MTREX: variants seen among roughly 807,000 people sequenced by gnomAD.
MTREX encodes the protein exosome RNA helicase MTR4.
A neutral mutation model predicts 135.4 loss-of-function variants in MTREX; 76 were observed. The observed-to-expected ratio is 0.56, with a 90% CI of 0.47 to 0.68. The LOEUF (loss-of-function observed/expected upper bound fraction) is 0.68. MTREX is among the 30% of genes least tolerant of loss of function. MTREX has a pLI of 0.00. For missense variants in MTREX, 920 were observed against 1,262.1 expected (o/e 0.73, Z 4.11); for synonymous variants, 404 against 401.6 (o/e 1.01, Z -0.07).
intron 1 of MTREX, among the ~76,000 whole-genome samples, chr5:55,310,395 G>C (rs1376965443): frequency 1.3e-5 from 2 of 152,158 alleles, no homozygotes; most frequent in Non-Finnish European, 2.9e-5. Flanking sequence ...ATCACCTGAG[G>C]TCAAGAGTTC....
At chr5:55,312,561 AT>A (rs1259139677) in intron 1 of MTREX, among the ~76,000 whole-genome samples, 1 of 152,146 alleles carries the variant, frequency 6.6e-6, no homozygotes, top group Non-Finnish European at 1.5e-5. Flanking sequence ...ATTTTCTAAA[AT>A]TTTATTTAAA....
chr5:55,364,175 A>G (rs1750058584), intron 15 of MTREX, among the ~76,000 whole-genome samples: 1 of 152,212 alleles, frequency 6.6e-6, no homozygotes, highest in Admixed American at 6.5e-5. Context: ...AGGCTTTAGC[A>G]TCGAGAATTA....
chr5:55,343,078 A>G (rs552522470), intron 7 of MTREX, among the ~76,000 whole-genome samples: 6 of 152,306 alleles, frequency 3.9e-5, no homozygotes, highest in African/African-American at 1.4e-4. Flanking sequence ...GTTGTTTGGA[A>G]AGATTAACCC....
At chr5:55,424,491 G>C in intron 26 of MTREX, 1 of 441,642 alleles carries the variant, frequency 2.3e-6, no homozygotes, top group Non-Finnish European at 4.1e-6. Flanking sequence ...TTCCTGGCCA[G>C]CCCCCATGGA....
At chr5:55,363,194 A>G (rs1333131020) in intron 15 of MTREX, among the ~76,000 whole-genome samples, 1 of 152,232 alleles carries the variant, frequency 6.6e-6, no homozygotes, top group African/African-American at 2.4e-5. Flanking sequence ...TACATAAGAT[A>G]ACAATGTACA....
Position 55,351,021 on chromosome 5 carries a change from T to C in MTREX, c.1423T>C (p.Leu475=). Residue 475 remains leucine (L), a synonymous_variant, in exon 13 of 27, where the codon TTG becomes CTG. Transcript: ENST00000230640. ...ETIEILFSEG[L]IKALFATETF... ...TATAGAAATTCTCTTTTCTGAAGGATTGATAAAGGTATGGTTTTATTTTTA... is the reference window on the plus strand; with the variant it reads ...TATAGAAATTCTCTTTTCTGAAGGACTGATAAAGGTATGGTTTTATTTTTA... 1.3e-6 allele frequency: 2 copies of C among 1,599,928 alleles called. No individual in the cohort carries two copies. Among genetic ancestry groups the C allele is most frequent in the Non-Finnish European group, 1.7e-6 (2 of 1,176,668 alleles).
intron 25 of MTREX, among the ~76,000 whole-genome samples, chr5:55,421,026 C>G (rs1751046591): frequency 6.6e-6 from 1 of 152,150 alleles, no homozygotes; most frequent in Non-Finnish European, 1.5e-5. Context: ...AATTGGATTT[C>G]TCTTTCTACT....
intron 23 of MTREX, 107 bp downstream of exon 23, chr5:55,410,736 T>TA (rs1750873796): frequency 3.8e-6 from 2 of 524,936 alleles, no homozygotes; most frequent in East Asian, 3.4e-5. Flanking sequence ...TATTATAAGG[T>TA]AATGTTAATT....
rs763872215 is a variant in MTREX at position 55,374,264 on chromosome 5, T to TTATATATATATA, written c.1811-4039_1811-4028dup. 4.4e-3 allele frequency among the ~76,000 whole-genome samples: 615 copies of TTATATATATATA among 139,648 alleles called. 2 individuals carry two copies. Among genetic ancestry groups the TTATATATATATA allele is most frequent in the East Asian group, 7.1e-3 (33 of 4,668 alleles). 91.6% of individuals were successfully genotyped at this position (139,648 alleles called of 152,430 possible). A position where few individuals can be genotyped will look rare whatever the true frequency, so the allele number is the denominator to read the frequency against. On this transcript the variant is annotated intron_variant, in intron 16 of 26. Transcript: ENST00000230640. ...GGAGCAAGACTGTCTCAAAAAACAT[T>TTATATATATATA]TATATATATATATATATATATAAAC... is the stretch of plus-strand genomic sequence containing the variant.
In MTREX at chr5:55,308,511, A is replaced by G. The variant is rs984605580; in HGVS notation, c.134+364A>G. ...GGTGAAAAGGTTTAGAAAAAATGATATGAATTGATTTGGAGGGGAAAGGGC... is the reference window on the plus strand; with the variant it reads ...GGTGAAAAGGTTTAGAAAAAATGATGTGAATTGATTTGGAGGGGAAAGGGC... On this transcript the variant is annotated intron_variant, in intron 1 of 26. Coordinates refer to ENST00000230640, the MANE Select transcript of MTREX (RefSeq NM_015360.5). Among the ~76,000 whole-genome samples, 6 of 152,210 alleles carry G rather than the reference A, an allele frequency of 3.9e-5. No individual in the cohort carries two copies. The South Asian group carries it at 6.2e-4, about 16-fold the overall frequency.
At chr5:55,373,125 T>A (rs529008383) in intron 16 of MTREX, among the ~76,000 whole-genome samples, 1 of 151,088 alleles carries the variant, frequency 6.6e-6, no homozygotes, top group South Asian at 2.1e-4. Flanking sequence ...TATTTCTTTT[T>A]TTTTTTGGTC....
At chr5:55,318,471 A>G (rs1749234536) in intron 1 of MTREX, among the ~76,000 whole-genome samples, 1 of 152,242 alleles carries the variant, frequency 6.6e-6, no homozygotes. Flanking sequence ...CTTTTGCAGG[A>G]ACATGGATGG....
intron 16 of MTREX, among the ~76,000 whole-genome samples, chr5:55,371,213 G>C (rs372991233): frequency 2.6e-5 from 4 of 152,150 alleles, no homozygotes; most frequent in Admixed American, 6.6e-5. Context: ...CAAGTTCTAA[G>C]AATTAAATGA....
At chr5:55,390,124 G>A (rs952638207) in intron 19 of MTREX, among the ~76,000 whole-genome samples, 2 of 151,074 alleles carry the variant, frequency 1.3e-5, no homozygotes, top group Non-Finnish European at 2.9e-5. Context: ...TTTTTTTTGA[G>A]ATGGAGTCTC....
chr5:55,320,311 G>T (rs887830230), intron 1 of MTREX, among the ~76,000 whole-genome samples: 3 of 149,364 alleles, frequency 2.0e-5, no homozygotes, highest in African/African-American at 5.0e-5. Flanking sequence ...TCCACCTCCC[G>T]GGTTCACACC....
At chr5:55,323,133 C>G (rs1749315567) in intron 2 of MTREX, among the ~76,000 whole-genome samples, 1 of 152,054 alleles carries the variant, frequency 6.6e-6, no homozygotes, top group Non-Finnish European at 1.5e-5. Flanking sequence ...GTAAAATTAT[C>G]TCCTATAAAT....
chr5:55,424,628 C>A, intron 26 of MTREX, 92 bp from the exon 27 acceptor site: 1 of 811,824 alleles, frequency 1.2e-6, no homozygotes, highest in Non-Finnish European at 2.1e-6. Flanking sequence ...CCAGTTGAAT[C>A]AGGGTTGGTA....
rs911510394 is a variant in MTREX, at chr5:55,322,415, A to G, written c.223A>G (p.Ile75Val). ...AGATTTCGAAGGTACAGATGAACCC[A>G]TTTTTGGAAAGAAGCCCAGGATAGA... ...DVDFEGTDEP[I>V]FGKKPRIEES... Residue 75 changes from isoleucine to valine, a missense_variant, in exon 2 of 27, where the codon ATT (isoleucine) becomes GTT (valine). Physicochemically the swap from Ile to Val is conservative, Grantham distance 29. Coordinates refer to ENST00000230640, the MANE Select transcript of MTREX (RefSeq NM_015360.5). 1.2e-6 allele frequency: 2 copies of G among 1,610,070 alleles called. No individual in the cohort carries two copies. The highest frequency in any genetic ancestry group is 1.7e-6 in the Non-Finnish European group (2 of 1,178,228).
At chr5:55,400,174 G>A in intron 20 of MTREX, 59 bp from the exon 21 acceptor site, 1 of 1,275,542 alleles carries the variant, frequency 7.8e-7, no homozygotes, top group Non-Finnish European at 1.1e-6. Context: ...ACACTGATTT[G>A]GTTTGGTCTT....
Sources: allele counts gnomAD v4.1 joint callset (sites outside exome capture counted in the v4.1 genomes callset), GRCh38; gene constraint gnomAD v4.1.1; transcripts MANE v1.5; gene names NCBI Gene and HGNC (gene_info 2026-07-23, HGNC 2026-07-21).